DOCK10: variants seen among roughly 807,000 people sequenced by gnomAD.
DOCK10 encodes the protein dedicator of cytokinesis protein 10.
In DOCK10, 145 loss-of-function variants were observed where a neutral mutation model predicts 280.1. The ratio of observed to expected loss-of-function variants is 0.52; its 90% CI spans 0.45 to 0.59. The LOEUF (loss-of-function observed/expected upper bound fraction) is 0.59, where lower values mean the gene tolerates loss of function less well. Ranked by LOEUF, DOCK10 falls within the 20% of genes least tolerant of loss-of-function variation. DOCK10 has a pLI of 0.00. For synonymous variants in DOCK10, 915 were observed against 942.2 expected (o/e 0.97, Z 0.53); for missense variants, 2,368 against 2,651.7 (o/e 0.89, Z 2.35).
chr2:225,010,711 A>G (rs956171633), intron 1 of DOCK10, among the ~76,000 whole-genome samples: 1 of 151,250 alleles, frequency 6.6e-6, no homozygotes, highest in Admixed American at 6.6e-5. Flanking sequence ...AGTTGGGAAT[A>G]TAGATTAAAA....
At chr2:224,889,955 A>T (rs575788542) in intron 4 of DOCK10, among the ~76,000 whole-genome samples, 2 of 152,250 alleles carry the variant, frequency 1.3e-5, no homozygotes, top group African/African-American at 2.4e-5. Context: ...TGCAGAGAAC[A>T]GAAGATGAGT....
rs371090465 is a variant in DOCK10 at position 224,874,661 on chromosome 2, A to T, written c.1017+5T>A. On this transcript the variant is annotated splice_donor_5th_base_variant and intron_variant, in intron 9 of 55. Coordinates refer to ENST00000258390, the MANE Select transcript of DOCK10 (RefSeq NM_014689.3). ...GTTTTGCAAGTACAATGCCAACTTT[A>T]TTACCTTTGCAAAGTCTGCGTGTAG... is the stretch of plus-strand genomic sequence containing the variant. 7.9e-5 allele frequency: 128 copies of T among 1,613,358 alleles called. No homozygotes were observed. The highest frequency in any genetic ancestry group is 1.1e-4 in the Non-Finnish European group (125 of 1,179,472).
chr2:224,974,121 T>C (rs1705259318), intron 1 of DOCK10, among the ~76,000 whole-genome samples: 1 of 152,176 alleles, frequency 6.6e-6, no homozygotes, highest in Non-Finnish European at 1.5e-5. Context: ...GTTTGAGCTC[T>C]GTGTCTGCCA....
At chr2:224,888,811 T>C (rs1184799006) in intron 4 of DOCK10, among the ~76,000 whole-genome samples, 1 of 139,862 alleles carries the variant, frequency 7.1e-6, no homozygotes, top group Non-Finnish European at 1.5e-5. Flanking sequence ...TGAATATATA[T>C]GTGTGTATGT....
intron 4 of DOCK10, among the ~76,000 whole-genome samples, chr2:224,889,317 T>C (rs1003046166): frequency 2.0e-5 from 3 of 152,212 alleles, no homozygotes; most frequent in African/African-American, 7.2e-5. Context: ...CTCCCTTCAT[T>C]TTCAGCAGGG....
At chr2:225,033,261 C>A (rs559648399) in intron 1 of DOCK10, among the ~76,000 whole-genome samples, 1 of 152,032 alleles carries the variant, frequency 6.6e-6, no homozygotes, top group African/African-American at 2.4e-5. Flanking sequence ...CAGCTCACTG[C>A]GACCTCCGCC....
At chr2:224,891,596 G>T (rs1575006453) in intron 4 of DOCK10, among the ~76,000 whole-genome samples, 1 of 152,216 alleles carries the variant, frequency 6.6e-6, no homozygotes, top group East Asian at 1.9e-4. Flanking sequence ...AAGTATTAAT[G>T]ATTCAAAAAT....
At chr2:224,945,544 G>A (rs557878871) in intron 1 of DOCK10, among the ~76,000 whole-genome samples, 8 of 152,170 alleles carry the variant, frequency 5.3e-5, no homozygotes, top group African/African-American at 1.4e-4. Flanking sequence ...CCAACCCTCT[G>A]AGCAGACCTC....
chr2:224,866,971 A>T (rs1697950634), intron 11 of DOCK10, among the ~76,000 whole-genome samples: 2 of 152,100 alleles, frequency 1.3e-5, no homozygotes, highest in African/African-American at 4.8e-5. Context: ...CTGGTTCCTT[A>T]CAGTGAGGGT....
At position 224,793,202 on chromosome 2, in the gene DOCK10, T is replaced by A. The variant is rs1033154523; in HGVS notation, c.5213-130A>T. ...AAGAAGTTGACCATCCAGTTAGCCT[T>A]TGCTGTACATAGAATAAATAAGTCA... On this transcript the variant is annotated intron_variant, in intron 46 of 55. Transcript: ENST00000258390. 7.2e-6 allele frequency: 6 copies of A among 836,394 alleles called. No individual in the cohort carries two copies. In the Admixed American group the frequency reaches 1.2e-4, roughly 17 times the overall value. 51.8% of individuals were successfully genotyped at this position (836,394 alleles called of 1,614,324 possible). A position where few individuals can be genotyped will look rare whatever the true frequency, so the allele number is the denominator to read the frequency against.
chr2:224,874,383 A>G (rs1423546043), intron 9 of DOCK10, 34 bp from the exon 10 acceptor site: 13 of 1,522,646 alleles, frequency 8.5e-6, no homozygotes, highest in Non-Finnish European at 1.2e-5. Context: ...CTTGGTATCT[A>G]AATATCCAGA....
chr2:224,975,460 T>C (rs1197345592), intron 1 of DOCK10, among the ~76,000 whole-genome samples: 1 of 152,234 alleles, frequency 6.6e-6, no homozygotes, highest in Non-Finnish European at 1.5e-5. Flanking sequence ...CTCACTGAAA[T>C]GAAATAGAAA....
At chr2:224,780,467 C>T (rs1691244848) in intron 50 of DOCK10, among the ~76,000 whole-genome samples, 1 of 152,194 alleles carries the variant, frequency 6.6e-6, no homozygotes, top group Non-Finnish European at 1.5e-5. Context: ...AAAAATGTCT[C>T]TAAGGTTCAG....
chr2:224,850,967 C>T (rs569342714), intron 18 of DOCK10, among the ~76,000 whole-genome samples: 9 of 152,224 alleles, frequency 5.9e-5, no homozygotes, highest in African/African-American at 2.2e-4. Flanking sequence ...TGGAGTGATA[C>T]AGGCCCCATG....
At chr2:225,003,429 T>C (rs1706490921) in intron 1 of DOCK10, among the ~76,000 whole-genome samples, 1 of 152,220 alleles carries the variant, frequency 6.6e-6, no homozygotes, top group Non-Finnish European at 1.5e-5. Flanking sequence ...GGACCTTTTA[T>C]GATTCCACTA....
Position 224,794,954 on chromosome 2 carries a change from T to C in DOCK10, c.5079A>G (p.Ala1693=), listed in dbSNP as rs2125128869. ...DLQYSLANSY[A]STPELRRTWL... is the part of the protein sequence containing the mutation. ...AGGTCCTGCGTAGTTCAGGAGTGCT[T>C]GCGTAGGAGTTTGCCAGGCTGTACT... Residue 1693 remains alanine (A), a synonymous_variant, in exon 45 of 56, where the codon GCA becomes GCG. Coordinates refer to ENST00000258390, the MANE Select transcript of DOCK10 (RefSeq NM_014689.3). 2 of 1,613,832 alleles carry C rather than the reference T, an allele frequency of 1.2e-6. No individual in the cohort carries two copies. Among genetic ancestry groups the C allele is most frequent in the Non-Finnish European group, 1.7e-6 (2 of 1,179,824 alleles).
intron 19 of DOCK10, among the ~76,000 whole-genome samples, chr2:224,846,849 T>C (rs2125506473): frequency 6.6e-6 from 1 of 152,342 alleles, no homozygotes; most frequent in African/African-American, 2.4e-5. Flanking sequence ...TAGAGACAGA[T>C]GTCTTACTTT....
At position 224,794,198 on chromosome 2, in the gene DOCK10, C is replaced by A. The variant is rs185483928; in HGVS notation, c.5154+681G>T. 1.6e-4 allele frequency among the ~76,000 whole-genome samples: 24 copies of A among 152,318 alleles called. No homozygotes were observed. The East Asian group carries it at 3.7e-3, about 23-fold the overall frequency. ...TCCATTCCAGAGTCCCTGATTACCA[C>A]ATGTGTTTAGAAGAGCTTCAGAGTT... On this transcript the variant is annotated intron_variant, in intron 45 of 55. Transcript: ENST00000258390.
At chr2:224,868,933 A>C (rs1698095073) in intron 11 of DOCK10, among the ~76,000 whole-genome samples, 1 of 152,178 alleles carries the variant, frequency 6.6e-6, no homozygotes, top group Non-Finnish European at 1.5e-5. Context: ...TTTGATTTTC[A>C]TTTCTACTTT....
Sources: gnomAD v4.1 joint callset for allele counts (sites outside exome capture counted in the v4.1 genomes callset) on GRCh38, gnomAD v4.1.1 for gene constraint, MANE v1.5 for transcripts, NCBI Gene and HGNC (gene_info 2026-07-23, HGNC 2026-07-21) for gene names.